THSD7B: variants seen among roughly 807,000 people sequenced by gnomAD.
THSD7B encodes thrombospondin type-1 domain-containing protein 7B.
THSD7B carries 138 observed loss-of-function variants against 213.6 expected under a neutral mutation model. That is an observed-to-expected ratio of 0.65 (90% CI 0.56 to 0.74). The LOEUF (loss-of-function observed/expected upper bound fraction) is 0.74, where lower values mean the gene tolerates loss of function less well. Ranked by LOEUF, THSD7B falls within the 30% of genes least tolerant of loss-of-function variation. THSD7B has a pLI of 0.00. For synonymous variants in THSD7B, 742 were observed against 687.0 expected, an observed-to-expected ratio of 1.08 and a Z score of -1.25; for missense variants, 1,931 against 1,991.5, an observed-to-expected ratio of 0.97 and a Z score of 0.58.
intron 15 of THSD7B, among the ~76,000 whole-genome samples, chr2:137,491,887 A>G (rs1384739300): frequency 1.3e-5 from 2 of 152,174 alleles, no homozygotes; most frequent in Admixed American, 6.5e-5. Flanking sequence ...TGTTTCTAGT[A>G]TTCGATATGT....
chr2:136,855,245 G>A (rs868419238), intron 1 of THSD7B, among the ~76,000 whole-genome samples: 5 of 151,496 alleles, frequency 3.3e-5, no homozygotes, highest in African/African-American at 1.2e-4. Flanking sequence ...AAATTTGAGT[G>A]TATATATATA....
At chr2:136,875,329 C>A (rs568288204) in intron 1 of THSD7B, among the ~76,000 whole-genome samples, 1 of 152,046 alleles carries the variant, frequency 6.6e-6, no homozygotes, top group Non-Finnish European at 1.5e-5. Flanking sequence ...GGCTGAGACA[C>A]GAGAATTGCT....
chr2:137,558,482 A>C (rs1286305893), intron 15 of THSD7B, among the ~76,000 whole-genome samples: 1 of 152,212 alleles, frequency 6.6e-6, no homozygotes, highest in African/African-American at 2.4e-5. Flanking sequence ...ATCTCAATAG[A>C]TGCAGAAAAG....
At chr2:136,830,287 CTG>C (rs1253082837) in intron 1 of THSD7B, among the ~76,000 whole-genome samples, 1 of 152,122 alleles carries the variant, frequency 6.6e-6, no homozygotes. Context: ...TTATGTAAAA[CTG>C]TTTTAGTACA....
chr2:136,944,813 A>G (rs981872229), intron 2 of THSD7B, among the ~76,000 whole-genome samples: 1 of 151,256 alleles, frequency 6.6e-6, no homozygotes, highest in Non-Finnish European at 1.5e-5. Context: ...CCTGAATACA[A>G]CGCACTGATG....
chr2:137,383,634 C>T (rs948815635), intron 12 of THSD7B, among the ~76,000 whole-genome samples: 1 of 152,196 alleles, frequency 6.6e-6, no homozygotes, highest in Non-Finnish European at 1.5e-5. Flanking sequence ...CCCACATGAG[C>T]TTGTGCTTGG....
In THSD7B at chr2:137,094,915, C is replaced by T. The variant is rs1471284266; in HGVS notation, c.993C>T (p.Cys331=). 1.9e-6 allele frequency: 3 copies of T among 1,613,816 alleles called. No individual in the cohort carries two copies. Among genetic ancestry groups the T allele is most frequent in the Non-Finnish European group, 2.5e-6 (3 of 1,179,816 alleles). The change falls in exon 4 of 28, where the codon TGC becomes TGT. Residue 331 remains cysteine (C), a synonymous_variant. Transcript: ENST00000409968. The part of the protein sequence containing the change: ...QDSFPLTVQS[C]IMPKDCETSQ... ...CCTTCCCATTGACTGTTCAGTCCTG[C>T]ATCATGCCCAAAGACTGTGAAACCT...
At chr2:137,389,653 G>C (rs55777807) in intron 12 of THSD7B, among the ~76,000 whole-genome samples, 11,750 of 151,268 alleles carry the variant, frequency 0.078, 690 homozygotes, top group Non-Finnish European at 0.12. Flanking sequence ...CTAGACCAAT[G>C]TCCAGAAAAG....
chr2:136,797,986 A>C (rs1682103999), intron 1 of THSD7B, among the ~76,000 whole-genome samples: 1 of 151,952 alleles, frequency 6.6e-6, no homozygotes, highest in Admixed American at 6.6e-5. Flanking sequence ...CTATAATTCT[A>C]GACAAGTATC....
chr2:137,131,463 G>A (rs1024230478), intron 5 of THSD7B, among the ~76,000 whole-genome samples: 2 of 152,174 alleles, frequency 1.3e-5, no homozygotes, highest in African/African-American at 4.8e-5. Flanking sequence ...CCATGCCTAT[G>A]TCCTGAATGG....
At chr2:137,430,579 TG>T (rs1238331373) in intron 14 of THSD7B, among the ~76,000 whole-genome samples, 1 of 152,254 alleles carries the variant, frequency 6.6e-6, no homozygotes, top group Non-Finnish European at 1.5e-5. Flanking sequence ...TCAGGGACTC[TG>T]GCCCTAACTT....
chr2:136,773,891 T>TA lies in THSD7B; in HGVS notation c.-36+8217dup, dbSNP rs79981561. Among the ~76,000 whole-genome samples, 1,193 of 142,994 alleles carry TA rather than the reference T, an allele frequency of 8.3e-3. 19 individuals are homozygous for TA. The highest frequency in any genetic ancestry group is 0.026 in the African/African-American group (1,031 of 39,208). 93.8% of individuals were successfully genotyped at this position (142,994 alleles called of 152,430 possible). ...TAGATACCGGCATGGATAATCTATT[T>TA]AAAAAAAAAAAAAGAAACCACTTCC... On this transcript the variant is annotated intron_variant, in intron 1 of 27. Transcript: ENST00000409968.
At chr2:137,649,970 T>C (rs1258777642) in intron 21 of THSD7B, among the ~76,000 whole-genome samples, 1 of 150,780 alleles carries the variant, frequency 6.6e-6, no homozygotes, top group Non-Finnish European at 1.5e-5. Context: ...GGTGTGGTGG[T>C]GGATGTCTCT....
chr2:137,591,446 A>G (rs1681863296), intron 17 of THSD7B, among the ~76,000 whole-genome samples: 1 of 151,966 alleles, frequency 6.6e-6, no homozygotes, highest in Non-Finnish European at 1.5e-5. Flanking sequence ...AATATTTTAC[A>G]AAGTTCAGTA....
In THSD7B at chr2:137,600,971, CA is replaced by C. The variant is rs36041162; in HGVS notation, c.3424-15197del. ...GTATTTATATCTTAGTTTTCAGCAA[CA>C]AAAAAAGTTTAAATAGGAAAAAAAT... On this transcript the variant is annotated intron_variant, in intron 17 of 27. Transcript: ENST00000409968. Among the ~76,000 whole-genome samples, 3 of 149,768 alleles carry C rather than the reference CA, an allele frequency of 2.0e-5. No homozygotes were observed. The East Asian group carries it at 5.9e-4, about 29-fold the overall frequency.
At chr2:137,389,352 T>A (rs1015919336) in intron 12 of THSD7B, among the ~76,000 whole-genome samples, 76 of 149,030 alleles carry the variant, frequency 5.1e-4, no homozygotes, top group African/African-American at 1.8e-3. Context: ...TAATTGTTTG[T>A]CTTTATTTGA....
chr2:137,635,841 T>C (rs1258785992), intron 20 of THSD7B, among the ~76,000 whole-genome samples: 1 of 152,014 alleles, frequency 6.6e-6, no homozygotes, highest in African/African-American at 2.4e-5. Context: ...ATAGCTGAGA[T>C]TATAGGTATA....
chr2:137,090,022 A>T (rs999566745), intron 3 of THSD7B, among the ~76,000 whole-genome samples: 1 of 151,500 alleles, frequency 6.6e-6, no homozygotes, highest in African/African-American at 2.4e-5. Flanking sequence ...AAAGTAAAAA[A>T]AGAAAAAAGA....
In THSD7B at chr2:137,092,364, T is replaced by C. The variant is rs1157798726; in HGVS notation, c.951-2509T>C. Among the ~76,000 whole-genome samples the C allele has an allele frequency of 2.0e-5, 3 of 152,192 alleles. No homozygotes were observed. In the East Asian group the frequency reaches 5.8e-4, roughly 30 times the overall value. ...GGGAGGTTGAGGCTGCAATGAGCCC[T>C]GATTCCACTATTGCACCCAGCCTGA... On this transcript the variant is annotated intron_variant, in intron 3 of 27. Transcript: ENST00000409968.
Sources: allele counts gnomAD v4.1 joint callset (sites outside exome capture counted in the v4.1 genomes callset), GRCh38; gene constraint gnomAD v4.1.1; transcripts MANE v1.5; gene names NCBI Gene and HGNC (gene_info 2026-07-23, HGNC 2026-07-21).